Variants in NTAQ1 observed in about 807,000 individuals in gnomAD.
NTAQ1 encodes the protein protein N-terminal glutamine amidohydrolase.
A neutral mutation model predicts 28.2 loss-of-function variants in NTAQ1; 21 were observed. The observed-to-expected ratio is 0.74, with a 90% CI of 0.53 to 1.07. The LOEUF is 1.07. NTAQ1 is among the 50% of genes least tolerant of loss of function. NTAQ1 has a pLI of 0.00. For missense variants in NTAQ1, 264 were observed against 256.6 expected, an observed-to-expected ratio of 1.03 and a Z score of -0.20; for synonymous variants, 105 against 90.0, an observed-to-expected ratio of 1.17 and a Z score of -0.94.
downstream of NTAQ1, among the ~76,000 whole-genome samples, chr8:123,474,992 T>C (rs772859271): frequency 6.6e-6 from 1 of 152,256 alleles, no homozygotes; most frequent in Non-Finnish European, 1.5e-5. Flanking sequence ...ATTATTACTA[T>C]GGCATTTGCC....
downstream of NTAQ1, among the ~76,000 whole-genome samples, chr8:123,449,974 T>TATATGA (rs371673968): frequency 5.5e-3 from 306 of 56,102 alleles, 82 homozygotes; most frequent in South Asian, 0.043. Flanking sequence ...TATATATATA[T>TATATGA]GCTGGATAAA....
chr8:123,447,363 A>T (rs147515669), intron 6 of NTAQ1, among the ~76,000 whole-genome samples: 156 of 152,232 alleles, frequency 1.0e-3, no homozygotes, highest in African/African-American at 3.7e-3. Context: ...AAAAATACAC[A>T]ATGTGATGGA....
At chr8:123,420,707 C>T (rs1044377561) in intron 1 of NTAQ1, among the ~76,000 whole-genome samples, 2 of 151,010 alleles carry the variant, frequency 1.3e-5, no homozygotes, top group African/African-American at 4.9e-5. Flanking sequence ...ATCCTCTCAC[C>T]TCAGCTTCCT....
chr8:123,419,685 C>T (rs970290380), intron 1 of NTAQ1, among the ~76,000 whole-genome samples: 1 of 151,834 alleles, frequency 6.6e-6, no homozygotes, highest in South Asian at 2.1e-4. Flanking sequence ...AGTGTCCCAA[C>T]CTTTCTGCTG....
At position 123,454,377 on chromosome 8, in the gene NTAQ1, G is replaced by GTTTTGT. The variant is rs1554658196; in HGVS notation, c.373-12698_373-12697insGTTTTT. The stretch of plus-strand genomic sequence containing the variant: ...TTTGTTTTTTGTTTTGTTTTGTTTT[G>GTTTTGT]TTTTTTTTGAGAGGGAGTTTCACTG... On this transcript the variant is annotated intron_variant, in intron 6 of 6. Coordinates refer to the NTAQ1 transcript ENST00000650311. Among the ~76,000 whole-genome samples, 1,453 of 151,704 alleles carry GTTTTGT rather than the reference G, an allele frequency of 9.6e-3. 26 individuals carry two copies. Among genetic ancestry groups the GTTTTGT allele is most frequent in the African/African-American group, 0.033 (1,357 of 41,294 alleles).
At chr8:123,438,825 T>C (rs1814876724) in intron 5 of NTAQ1, among the ~76,000 whole-genome samples, 1 of 152,174 alleles carries the variant, frequency 6.6e-6, no homozygotes, top group Admixed American at 6.5e-5. Flanking sequence ...AAAATTATAT[T>C]GGAATTGCTT....
At chr8:123,427,510 C>T (rs539922205) in intron 1 of NTAQ1, among the ~76,000 whole-genome samples, 12 of 152,184 alleles carry the variant, frequency 7.9e-5, no homozygotes, top group Non-Finnish European at 1.3e-4. Context: ...CCTCGTGATC[C>T]GCCCGCCTCG....
downstream of NTAQ1, among the ~76,000 whole-genome samples, chr8:123,470,713 C>G (rs188346062): frequency 2.5e-3 from 380 of 152,260 alleles, no homozygotes; most frequent in Non-Finnish European, 3.4e-3. Context: ...TCCCACAGTT[C>G]TGGAGGCTGG....
At chr8:123,445,969 CTTTTCCT>C (rs137961695), downstream of NTAQ1, among the ~76,000 whole-genome samples, 45,420 of 150,654 alleles carry the variant, frequency 0.3, 7,269 homozygotes, top group South Asian at 0.44. Context: ...CTTTTCTTTC[CTTTTCCT>C]TTTTCCTTTT....
chr8:123,422,213 A>G (rs1813742400), intron 1 of NTAQ1, among the ~76,000 whole-genome samples: 1 of 151,344 alleles, frequency 6.6e-6, no homozygotes, highest in South Asian at 2.1e-4. Flanking sequence ...TCTGGATATT[A>G]GACTTTATCA....
chr8:123,425,708 G>T (rs149665574), intron 1 of NTAQ1, among the ~76,000 whole-genome samples: 1 of 152,026 alleles, frequency 6.6e-6, no homozygotes, highest in Non-Finnish European at 1.5e-5. Context: ...GTAGCATGGC[G>T]TGGATGAAAT....
chr8:123,423,692 A>G (rs1813866177), intron 1 of NTAQ1, among the ~76,000 whole-genome samples: 1 of 152,078 alleles, frequency 6.6e-6, no homozygotes, highest in African/African-American at 2.4e-5. Flanking sequence ...TATGCTCTTG[A>G]AAAACAATTG....
downstream of NTAQ1, among the ~76,000 whole-genome samples, chr8:123,449,414 C>G (rs1306229771): frequency 1.3e-5 from 2 of 152,022 alleles, no homozygotes; most frequent in East Asian, 3.9e-4. Context: ...ATGGAGGATG[C>G]TTATTTAAAA....
rs1358444492 is a variant in NTAQ1, at chr8:123,416,793, C to G, written c.-57C>G. 3 of 1,477,928 alleles carry G rather than the reference C, an allele frequency of 2.0e-6. No homozygotes were observed. The highest frequency in any genetic ancestry group is 2.7e-6 in the Non-Finnish European group (3 of 1,112,224). The allele number at this position is 1,477,928 out of a possible 1,614,324, so 91.6% of individuals were successfully genotyped here. A position where few individuals can be genotyped will look rare whatever the true frequency, so the allele number is the denominator to read the frequency against. ...CGGGCCACTACAAGCCCGCCCTTTC[C>G]TACGTCTGGTCCAGTCGGTCTTCCT... On this transcript the variant is annotated 5_prime_UTR_variant, in exon 1 of 6. Transcript: ENST00000287387.
chr8:123,453,575 C>T (rs909314400), intron 6 of NTAQ1, among the ~76,000 whole-genome samples: 1 of 152,086 alleles, frequency 6.6e-6, no homozygotes. Context: ...ACTATAGACA[C>T]CTGCCACCAT....
At chr8:123,448,912 G>C (rs1815381186), downstream of NTAQ1, among the ~76,000 whole-genome samples, 1 of 152,206 alleles carries the variant, frequency 6.6e-6, no homozygotes, top group Non-Finnish European at 1.5e-5. Context: ...AGGTCCCTGA[G>C]AGAAAATCAA....
chr8:123,441,579 C>G lies in NTAQ1; in HGVS notation c.*164C>G, dbSNP rs986562618. 1 of 656,386 alleles carries G rather than the reference C, an allele frequency of 1.5e-6. No homozygotes were observed. 40.7% of individuals were successfully genotyped at this position (656,386 alleles called of 1,614,324 possible). A position where few individuals can be genotyped will look rare whatever the true frequency, so the allele number is the denominator to read the frequency against. On this transcript the variant is annotated 3_prime_UTR_variant, in exon 6 of 6. Transcript: ENST00000287387. ...AGTGAATACAAATATAAATGAACAA[C>G]ATAAAAACTTTTGTTTTGACATGTC... is the stretch of plus-strand genomic sequence containing the variant.
At chr8:123,421,817 T>C (rs2130149810) in intron 1 of NTAQ1, among the ~76,000 whole-genome samples, 1 of 151,448 alleles carries the variant, frequency 6.6e-6, no homozygotes, top group African/African-American at 2.4e-5. Flanking sequence ...GCCTCCCGAG[T>C]AGCTGGGGCT....
At chr8:123,468,752 G>T (rs1464709249) in exon 7 of NTAQ1, among the ~76,000 whole-genome samples, 4 of 152,124 alleles carry the variant, frequency 2.6e-5, no homozygotes, top group Non-Finnish European at 5.9e-5. Flanking sequence ...TATAGTTGCT[G>T]GTAATTCTAT....
Sources: gnomAD v4.1 joint callset for allele counts (sites outside exome capture counted in the v4.1 genomes callset) on GRCh38, gnomAD v4.1.1 for gene constraint, MANE v1.5 for transcripts, NCBI Gene and HGNC (gene_info 2026-07-23, HGNC 2026-07-21) for gene names.